NR2F1-AS1: variants seen among roughly 807,000 people sequenced by gnomAD.
NR2F1-AS1 encodes the protein NR2F1 antisense RNA 1.
At chr5:93,458,838 C>T (rs57187586) in intron 4 of NR2F1-AS1, among the ~76,000 whole-genome samples, 3,134 of 151,876 alleles carry the variant, frequency 0.021, 125 homozygotes, top group African/African-American at 0.072. Context: ...GGTGAAACCC[C>T]ATCTCTACTA....
chr5:93,522,769 G>A (rs1325424712), intron 4 of NR2F1-AS1, among the ~76,000 whole-genome samples: 1 of 151,734 alleles, frequency 6.6e-6, no homozygotes, highest in Admixed American at 6.6e-5. Flanking sequence ...CCCTAGCCAA[G>A]GGAAGCCATG....
chr5:93,424,857 G>T (rs1287036338), intron 4 of NR2F1-AS1, among the ~76,000 whole-genome samples: 3 of 152,134 alleles, frequency 2.0e-5, no homozygotes, highest in Non-Finnish European at 4.4e-5. Context: ...ATCTATTCAG[G>T]TAGTGTGAGA....
intron 4 of NR2F1-AS1, among the ~76,000 whole-genome samples, chr5:93,495,187 A>G (rs1312249566): frequency 6.6e-6 from 1 of 152,158 alleles, no homozygotes; most frequent in Non-Finnish European, 1.5e-5. Context: ...GATTTAAGCT[A>G]AAATCTCCAT....
chr5:93,440,484 A>G (rs921219008), intron 4 of NR2F1-AS1, among the ~76,000 whole-genome samples: 7 of 152,182 alleles, frequency 4.6e-5, no homozygotes, highest in Admixed American at 3.9e-4. Context: ...AAACTAGGAC[A>G]CTGGTTTCTC....
chr5:93,581,662 GTC>G (rs1488417362), upstream of NR2F1-AS1, among the ~76,000 whole-genome samples: 1 of 91,804 alleles, frequency 1.1e-5, no homozygotes, highest in Non-Finnish European at 2.2e-5. Flanking sequence ...AGGAATCGGG[GTC>G]TCGGTCTCTC....
At chr5:93,422,767 T>C (rs941328770) in intron 4 of NR2F1-AS1, among the ~76,000 whole-genome samples, 1 of 152,160 alleles carries the variant, frequency 6.6e-6, no homozygotes, top group Non-Finnish European at 1.5e-5. Flanking sequence ...ACTAATCCAG[T>C]TGCACATTGG....
chr5:93,504,849 G>A (rs1169540322), intron 4 of NR2F1-AS1, among the ~76,000 whole-genome samples: 1 of 151,862 alleles, frequency 6.6e-6, no homozygotes, highest in East Asian at 1.9e-4. Context: ...ATTTGGGTAG[G>A]GACACAGCCA....
chr5:93,494,403 G>A (rs1750916892), intron 4 of NR2F1-AS1, among the ~76,000 whole-genome samples: 1 of 152,156 alleles, frequency 6.6e-6, no homozygotes, highest in African/African-American at 2.4e-5. Context: ...AGGGCACTTT[G>A]GGATGATCAC....
At chr5:93,451,193 A>G (rs1749822614) in intron 4 of NR2F1-AS1, among the ~76,000 whole-genome samples, 1 of 152,030 alleles carries the variant, frequency 6.6e-6, no homozygotes, top group South Asian at 2.1e-4. Flanking sequence ...AGAATTACTA[A>G]TAACTCCATT....
intron 4 of NR2F1-AS1, among the ~76,000 whole-genome samples, chr5:93,490,889 T>C (rs1750825511): frequency 7.8e-6 from 1 of 127,744 alleles, no homozygotes; most frequent in Non-Finnish European, 1.7e-5. Context: ...TGATAGTCAT[T>C]GTGGTTGTGG....
chr5:93,442,752 T>C (rs1219479743), intron 4 of NR2F1-AS1, among the ~76,000 whole-genome samples: 1 of 152,178 alleles, frequency 6.6e-6, no homozygotes, highest in African/African-American at 2.4e-5. Context: ...CTGAAGTGGG[T>C]CCCTGACCCC....
chr5:93,439,396 G>A (rs887898948), intron 4 of NR2F1-AS1, among the ~76,000 whole-genome samples: 13 of 152,140 alleles, frequency 8.5e-5, no homozygotes, highest in Non-Finnish European at 1.3e-4. Context: ...CGGGGTTCAC[G>A]CCATTCTCCT....
chr5:93,473,267 C>A (rs1480432059), intron 4 of NR2F1-AS1, among the ~76,000 whole-genome samples: 1 of 151,682 alleles, frequency 6.6e-6, no homozygotes, highest in East Asian at 1.9e-4. Context: ...TAAGGTAAAC[C>A]AGAGTTTCTT....
chr5:93,485,058 G>C (rs745876236), intron 4 of NR2F1-AS1, among the ~76,000 whole-genome samples: 2 of 152,072 alleles, frequency 1.3e-5, no homozygotes, highest in Non-Finnish European at 2.9e-5. Context: ...AGATCAACGA[G>C]ACAGAAAATT....
At chr5:93,427,643 T>A (rs1749222486) in intron 4 of NR2F1-AS1, among the ~76,000 whole-genome samples, 1 of 152,210 alleles carries the variant, frequency 6.6e-6, no homozygotes, top group African/African-American at 2.4e-5. Flanking sequence ...CAAGGAAATG[T>A]ATAAATACCA....
chr5:93,457,100 T>C lies in NR2F1-AS1; in HGVS notation n.639-61558A>G, dbSNP rs534084301. 2.0e-5 allele frequency among the ~76,000 whole-genome samples: 3 copies of C among 152,280 alleles called. No homozygotes were observed. In the East Asian group the frequency reaches 5.8e-4, roughly 29 times the overall value. The stretch of plus-strand genomic sequence containing the variant: ...CGAGCAGGAGACAGATGCCTTCCTC[T>C]TATCTCAACTGCAAAGAGGCCTTCC... On this transcript the variant is annotated intron_variant and non_coding_transcript_variant, in intron 4 of 5. Coordinates refer to ENST00000660523, the Ensembl canonical transcript of NR2F1-AS1.
intron 1 of NR2F1-AS1, among the ~76,000 whole-genome samples, chr5:93,572,473 C>A (rs530604296): frequency 6.6e-5 from 10 of 152,322 alleles, no homozygotes; most frequent in African/African-American, 2.4e-4. Context: ...TCGGCCGGGT[C>A]ACCTGTCAGC....
intron 4 of NR2F1-AS1, among the ~76,000 whole-genome samples, chr5:93,480,782 T>C (rs774342477): frequency 1.3e-5 from 2 of 152,118 alleles, no homozygotes; most frequent in Non-Finnish European, 2.9e-5. Flanking sequence ...AATTAATGTA[T>C]GCTGCTGAAG....
rs150590131 is a variant in NR2F1-AS1 at position 93,496,222 on chromosome 5, G to C, written n.638+57539C>G. 22 of 152,262 alleles carry C rather than the reference G, an allele frequency of 1.4e-4. No individual in the cohort carries two copies. In the Middle Eastern group the frequency reaches 0.014, roughly 94 times the overall value. 9.4% of individuals were successfully genotyped at this position (152,262 alleles called of 1,614,324 possible). ...ACCCACATTTCATCTACCTTTGTCTGTATGTAAATAATTAGCAAAGTATTC... is the reference window on the plus strand; with the variant it reads ...ACCCACATTTCATCTACCTTTGTCTCTATGTAAATAATTAGCAAAGTATTC... On this transcript the variant is annotated intron_variant and non_coding_transcript_variant, in intron 4 of 5. Coordinates refer to ENST00000660523, the Ensembl canonical transcript of NR2F1-AS1.
Sources: allele counts gnomAD v4.1 joint callset (sites outside exome capture counted in the v4.1 genomes callset), GRCh38; gene constraint gnomAD v4.1.1; transcripts MANE v1.5; gene names NCBI Gene and HGNC (gene_info 2026-07-23, HGNC 2026-07-21).